Variants in SPAG16 observed in about 807,000 individuals in gnomAD.
The protein encoded by SPAG16 is sperm associated antigen 16.
Under a neutral mutation model 80.4 loss-of-function variants are expected in SPAG16, and 86 were observed. The ratio of observed to expected loss-of-function variants is 1.07; its 90% CI spans 0.90 to 1.28. SPAG16 has a LOEUF of 1.28. Ranked by LOEUF, SPAG16 falls within the 50% of genes most tolerant of loss-of-function variation. The probability of loss-of-function intolerance (pLI) is 0.00; values close to 1 mark genes in which losing one functional copy is unlikely to be tolerated. For missense variants in SPAG16, 870 were observed against 765.3 expected (o/e 1.14, Z -1.61); for synonymous variants, 294 against 265.9 (o/e 1.11, Z -1.03).
intron 6 of SPAG16, among the ~76,000 whole-genome samples, chr2:213,346,662 G>A (rs995006152): frequency 1.1e-4 from 16 of 152,130 alleles, no homozygotes; most frequent in African/African-American, 3.6e-4. Flanking sequence ...CATTGGCTCT[G>A]TTTATATGCT....
intron 10 of SPAG16, among the ~76,000 whole-genome samples, chr2:213,834,116 G>T (rs1032364434): frequency 6.6e-6 from 1 of 152,016 alleles, no homozygotes; most frequent in Non-Finnish European, 1.5e-5. Context: ...GTTTTCTCTT[G>T]CCACTGCCAC....
chr2:213,750,535 T>C (rs2125485417), intron 10 of SPAG16, among the ~76,000 whole-genome samples: 1 of 152,306 alleles, frequency 6.6e-6, no homozygotes, highest in South Asian at 2.1e-4. Context: ...TTCTCTTTGA[T>C]GGTAGGTTCT....
intron 10 of SPAG16, among the ~76,000 whole-genome samples, chr2:213,717,961 C>G (rs1338538190): frequency 6.6e-6 from 1 of 151,868 alleles, no homozygotes; most frequent in Non-Finnish European, 1.5e-5. Context: ...GACTAAAACA[C>G]GAAAAGCAAT....
At chr2:214,150,923 C>T (rs1263204136) in intron 15 of SPAG16, among the ~76,000 whole-genome samples, 1 of 151,928 alleles carries the variant, frequency 6.6e-6, no homozygotes, top group Admixed American at 6.6e-5. Flanking sequence ...ATTTTTTTCT[C>T]TCCATGACTG....
intron 10 of SPAG16, among the ~76,000 whole-genome samples, chr2:213,814,730 C>A (rs1239714242): frequency 6.6e-6 from 1 of 152,034 alleles, no homozygotes; most frequent in East Asian, 1.9e-4. Context: ...GCGGAGGTTG[C>A]AGTGAGCCGA....
chr2:214,080,468 C>T (rs1415066006), intron 13 of SPAG16, among the ~76,000 whole-genome samples: 5 of 150,114 alleles, frequency 3.3e-5, no homozygotes, highest in Admixed American at 6.6e-5. Flanking sequence ...ATTAGCCGGG[C>T]GTGGTGGTGG....
intron 10 of SPAG16, among the ~76,000 whole-genome samples, chr2:213,756,530 G>A (rs535557079): frequency 2.6e-4 from 39 of 152,244 alleles, no homozygotes; most frequent in African/African-American, 8.4e-4. Flanking sequence ...CAAGGCCTTT[G>A]CTTATACATC....
chr2:214,057,229 C>G (rs936453471), intron 13 of SPAG16, among the ~76,000 whole-genome samples: 2 of 147,408 alleles, frequency 1.4e-5, no homozygotes, highest in Admixed American at 6.8e-5. Flanking sequence ...GAATTATTAG[C>G]TATGGCAGCT....
chr2:213,585,531 C>G (rs1442152389), intron 10 of SPAG16, among the ~76,000 whole-genome samples: 2 of 152,078 alleles, frequency 1.3e-5, no homozygotes, highest in Non-Finnish European at 2.9e-5. Context: ...CTCACCATGG[C>G]CTCCCAAAGT....
At chr2:213,300,489 A>C (rs1356634020) in intron 3 of SPAG16, among the ~76,000 whole-genome samples, 1 of 152,126 alleles carries the variant, frequency 6.6e-6, no homozygotes, top group Non-Finnish European at 1.5e-5. Context: ...CCAACTACAC[A>C]CCTGCTGGAG....
At chr2:214,119,458 A>C (rs2054106889) in intron 14 of SPAG16, among the ~76,000 whole-genome samples, 1 of 152,124 alleles carries the variant, frequency 6.6e-6, no homozygotes, top group Admixed American at 6.6e-5. Context: ...CTAAAGGAAA[A>C]AATAAAAACA....
At chr2:214,141,217 C>G (rs1438160818) in intron 14 of SPAG16, among the ~76,000 whole-genome samples, 1 of 151,880 alleles carries the variant, frequency 6.6e-6, no homozygotes, top group Non-Finnish European at 1.5e-5. Context: ...GCCCGTAATC[C>G]CAGCACTTTG....
intron 1 of SPAG16, among the ~76,000 whole-genome samples, chr2:213,295,123 A>T (rs2062444398): frequency 6.6e-6 from 1 of 152,164 alleles, no homozygotes; most frequent in South Asian, 2.1e-4. Flanking sequence ...CAAAATGAAA[A>T]CTAGGCTAAT....
chr2:213,824,737 G>C (rs1369624211), intron 10 of SPAG16, among the ~76,000 whole-genome samples: 1 of 151,980 alleles, frequency 6.6e-6, no homozygotes, highest in Non-Finnish European at 1.5e-5. Context: ...TTTTGTGGCT[G>C]CACATAAATT....
At chr2:214,075,645 A>G (rs1426079985) in intron 13 of SPAG16, among the ~76,000 whole-genome samples, 1 of 152,204 alleles carries the variant, frequency 6.6e-6, no homozygotes, top group Non-Finnish European at 1.5e-5. Context: ...TCAGGGGAAT[A>G]ATGAACCATA....
At chr2:214,278,118 G>A (rs778983374) in intron 15 of SPAG16, among the ~76,000 whole-genome samples, 9 of 152,188 alleles carry the variant, frequency 5.9e-5, no homozygotes, top group African/African-American at 9.7e-5. Context: ...GGGACCCACC[G>A]AGCCAGGCGC....
At chr2:213,940,047 C>A in intron 12 of SPAG16, among the ~76,000 whole-genome samples, 1 of 152,128 alleles carries the variant, frequency 6.6e-6, no homozygotes, top group East Asian at 1.9e-4. Context: ...AGGCATACAC[C>A]TACTGTTGAA....
At chr2:213,841,555 A>T (rs571573528) in intron 10 of SPAG16, among the ~76,000 whole-genome samples, 7 of 152,256 alleles carry the variant, frequency 4.6e-5, no homozygotes, top group African/African-American at 1.7e-4. Context: ...TGTTCTTTTC[A>T]TGCTTATAAT....
chr2:214,183,088 C>T (rs1185726802), intron 15 of SPAG16, among the ~76,000 whole-genome samples: 1 of 151,848 alleles, frequency 6.6e-6, no homozygotes, highest in East Asian at 1.9e-4. Context: ...ATTATTCTTC[C>T]TCTTTTAAAA....
Sources: gnomAD v4.1 joint callset for allele counts (sites outside exome capture counted in the v4.1 genomes callset) on GRCh38, gnomAD v4.1.1 for gene constraint, MANE v1.5 for transcripts, NCBI Gene and HGNC (gene_info 2026-07-23, HGNC 2026-07-21) for gene names.